Variants in CD1A observed in about 807,000 individuals in gnomAD.
CD1A encodes CD1a molecule.
A neutral mutation model predicts 38.3 loss-of-function variants in CD1A; 50 were observed. The ratio of observed to expected loss-of-function variants is 1.30; its 90% CI spans 1.04 to 1.65. CD1A has a LOEUF of 1.65. Among genes scored for constraint, CD1A ranks in the 40% most tolerant of loss-of-function variants. The pLI, the probability that CD1A is intolerant of heterozygous loss-of-function variation, is 0.00. For missense variants in CD1A, 459 were observed against 406.1 expected (o/e 1.13, Z -1.12); for synonymous variants, 160 against 150.8 (o/e 1.06, Z -0.45).
At chr1:158,256,339 C>G in intron 3 of CD1A, 57 bp downstream of exon 3, 1 of 1,505,802 alleles carries the variant, frequency 6.6e-7, no homozygotes, top group Non-Finnish European at 9.0e-7. Flanking sequence ...ACCCTTCCAC[C>G]ACCTCCTTCC....
chr1:158,255,218 G>A lies in CD1A; in HGVS notation c.193G>A (p.Val65Ile), dbSNP rs537550225. The A allele has an allele frequency of 1.2e-5, 20 of 1,614,104 alleles. No homozygotes were observed. Among genetic ancestry groups the A allele is most frequent in the South Asian group, 6.6e-5 (6 of 91,076 alleles). The part of the protein sequence containing the change: ...HTWDSNSSTI[V>I]FLCPWSRGNF... Reference sequence around the variant, plus strand: ...CTGGGACAGCAATTCCAGCACCATCGTTTTCCTGTGCCCCTGGTCCAGGGG... The same window carrying A: ...CTGGGACAGCAATTCCAGCACCATCATTTTCCTGTGCCCCTGGTCCAGGGG... The change falls in exon 2 of 6, where the codon GTT becomes ATT. Residue 65 changes from valine to isoleucine, a missense_variant. Transcript: ENST00000289429.
chr1:158,254,503 G>A lies in CD1A; in HGVS notation c.-167G>A. On this transcript the variant is annotated 5_prime_UTR_variant, in exon 1 of 6. Coordinates refer to ENST00000289429, the MANE Select transcript of CD1A (RefSeq NM_001763.3). Reference sequence around the variant, plus strand: ...CAGAGGGAAATGAGAGACTGAGTAGGCATCTCAGGGTTTTTGAAGGAGTGG... The same window carrying A: ...CAGAGGGAAATGAGAGACTGAGTAGACATCTCAGGGTTTTTGAAGGAGTGG... The A allele has an allele frequency of 1.4e-6, 2 of 1,456,512 alleles. No homozygotes were observed. Among genetic ancestry groups the A allele is most frequent in the African/African-American group, 1.4e-5 (1 of 70,804 alleles). 90.2% of individuals were successfully genotyped at this position (1,456,512 alleles called of 1,614,324 possible). A position where few individuals can be genotyped will look rare whatever the true frequency, so the allele number is the denominator to read the frequency against.
At chr1:158,250,781 C>T (rs1343102839), upstream of CD1A, among the ~76,000 whole-genome samples, 3 of 152,096 alleles carry the variant, frequency 2.0e-5, no homozygotes, top group South Asian at 2.1e-4. Flanking sequence ...TGAAGTCTGC[C>T]GTCCCTGCAG....
chr1:158,255,042 C>T (rs1650200015), intron 1 of CD1A, 42 bp from the exon 2 acceptor site: 1 of 1,600,152 alleles, frequency 6.2e-7, no homozygotes, highest in African/African-American at 1.3e-5. Flanking sequence ...CATCCTCTTT[C>T]TCAATGTCTT....
rs752354521 is a variant in CD1A, at chr1:158,256,006, C to A, written c.328C>A (p.Pro110Thr). Residue 110 changes from proline to threonine, a missense_variant and splice_region_variant, in exon 3 of 6, where the codon CCT becomes ACT. Transcript: ENST00000289429. The part of the protein sequence containing the change: ...RYAHELQFEY[P>T]FEIQVTGGCE... ...TTTCCTCTATTTCATAACCCCAGAT[C>A]CTTTTGAGATACAGGTGACAGGAGG... 6.2e-7 allele frequency: 1 copy of A among 1,612,190 alleles called. No homozygotes were observed. The highest frequency in any genetic ancestry group is 8.5e-7 in the Non-Finnish European group (1 of 1,178,526).
At chr1:158,254,867 C>A in intron 1 of CD1A, 140 bp downstream of exon 1, 1 of 871,736 alleles carries the variant, frequency 1.1e-6, no homozygotes, top group South Asian at 1.4e-5. Context: ...AGTGAGAGTG[C>A]CAGGCTGGTT....
intron 4 of CD1A, 133 bp downstream of exon 4, chr1:158,257,197 T>C (rs556208439): frequency 2.4e-6 from 3 of 1,253,684 alleles, no homozygotes; most frequent in African/African-American, 1.5e-5. Context: ...ATCTAAGAAA[T>C]GGAAATGTTG....
chr1:158,257,667 C>G lies in CD1A; in HGVS notation c.975-14C>G. 1 of 1,613,882 alleles carries G rather than the reference C, an allele frequency of 6.2e-7. No individual in the cohort carries two copies. The highest frequency in any genetic ancestry group is 1.1e-5 in the South Asian group (1 of 91,060). ...ACCTTATTCAGAGTGACTTCTATCTCTGTTCTCATCCAGTTTCTGTTAAGA... is the reference window on the plus strand; with the variant it reads ...ACCTTATTCAGAGTGACTTCTATCTGTGTTCTCATCCAGTTTCTGTTAAGA... On this transcript the variant is annotated splice_polypyrimidine_tract_variant and intron_variant, in intron 5 of 5. Coordinates refer to ENST00000289429, the MANE Select transcript of CD1A (RefSeq NM_001763.3).
At chr1:158,255,977 C>T (rs1404852104) in intron 2 of CD1A, 27 bp from the exon 3 acceptor site, 6 of 1,584,826 alleles carry the variant, frequency 3.8e-6, no homozygotes, top group Admixed American at 3.6e-5. Context: ...TTTTTTTCTC[C>T]CTCTTTCCTC....
At chr1:158,254,989 T>C (rs981632407) in intron 1 of CD1A, 95 bp from the exon 2 acceptor site, 2 of 1,260,946 alleles carry the variant, frequency 1.6e-6, no homozygotes, top group African/African-American at 3.0e-5. Flanking sequence ...GATCCCCTTT[T>C]CTCCAGATTC....
chr1:158,254,098 G>C (rs35564927), upstream of CD1A: 167 of 169,502 alleles, frequency 9.9e-4, 6 homozygotes, highest in South Asian at 0.035. Context: ...TCTTCTCTAA[G>C]AATAATGGAG....
In CD1A at chr1:158,254,499, G is replaced by A. The variant is rs532256241; in HGVS notation, c.-171G>A. On this transcript the variant is annotated 5_prime_UTR_variant, in exon 1 of 6. Transcript: ENST00000289429. ...GAACCAGAGGGAAATGAGAGACTGA[G>A]TAGGCATCTCAGGGTTTTTGAAGGA... 1.4e-3 allele frequency: 2,011 copies of A among 1,454,086 alleles called. 4 individuals are homozygous for A. Among genetic ancestry groups the A allele is most frequent in the Middle Eastern group, 3.5e-3 (17 of 4,790 alleles). 90.1% of individuals were successfully genotyped at this position (1,454,086 alleles called of 1,614,324 possible). A position where few individuals can be genotyped will look rare whatever the true frequency, so the allele number is the denominator to read the frequency against.
At chr1:158,256,336 C>T (rs1398575727) in intron 3 of CD1A, 54 bp downstream of exon 3, 4 of 1,521,868 alleles carry the variant, frequency 2.6e-6, no homozygotes, top group South Asian at 1.2e-5. Context: ...CATACCCTTC[C>T]ACCACCTCCT....
At chr1:158,249,424 G>C, upstream of CD1A, among the ~76,000 whole-genome samples, 1 of 152,116 alleles carries the variant, frequency 6.6e-6, no homozygotes, top group Non-Finnish European at 1.5e-5. Flanking sequence ...TGGTGGAAGG[G>C]GTCAGGGGTC....
the CD1A span, chr1:158,248,524 A>G: frequency 2.0e-6 from 1 of 506,736 alleles, no homozygotes; most frequent in African/African-American, 2.1e-5. Context: ...GGACTTGCCT[A>G]GGATAGCTGG....
At chr1:158,257,647 A>G in intron 5 of CD1A, 34 bp from the exon 6 acceptor site, 1 of 1,612,378 alleles carries the variant, frequency 6.2e-7, no homozygotes, top group Non-Finnish European at 8.5e-7. Context: ...GCTCCACCTT[A>G]TTCAGAGTGA....
chr1:158,257,412 A>G lies in CD1A; in HGVS notation c.884-9A>G, dbSNP rs2101634528. ...TTATAACATCCTTGGTGTCTCCCCAAATTCACAGAGCATCACAGTTCCGTG... is the reference window on the plus strand; with the variant it reads ...TTATAACATCCTTGGTGTCTCCCCAGATTCACAGAGCATCACAGTTCCGTG... On this transcript the variant is annotated splice_polypyrimidine_tract_variant and intron_variant, in intron 4 of 5. Coordinates refer to ENST00000289429, the MANE Select transcript of CD1A (RefSeq NM_001763.3). 6.2e-7 allele frequency: 1 copy of G among 1,608,698 alleles called. No individual in the cohort carries two copies. The highest frequency in any genetic ancestry group is 2.2e-5 in the East Asian group (1 of 44,872).
intron 3 of CD1A, 36 bp from the exon 4 acceptor site, chr1:158,256,750 A>G (rs1173349951): frequency 6.3e-7 from 1 of 1,597,522 alleles, no homozygotes; most frequent in Non-Finnish European, 8.6e-7. Context: ...ATGAAACTCC[A>G]AGTCTGTATT....
At position 158,256,252 on chromosome 1, in the gene CD1A, G is replaced by A. The variant is rs1301009168; in HGVS notation, c.574G>A (p.Asp192Asn). The A allele has an allele frequency of 2.5e-6, 4 of 1,613,890 alleles. No homozygotes were observed. The African/African-American group carries it at 4.0e-5, about 16-fold the overall frequency. ...CCCACGTTTCATCTTGGGTCTTCTTGATGCAGGAAAGGCACATCTCCAGCG... is the reference window on the plus strand; with the variant it reads ...CCCACGTTTCATCTTGGGTCTTCTTAATGCAGGAAAGGCACATCTCCAGCG... Reference protein sequence around the residue: ...TCPRFILGLLDAGKAHLQRQV... With the variant: ...TCPRFILGLLNAGKAHLQRQV... Residue 192 changes from aspartate to asparagine, a missense_variant, in exon 3 of 6, where the codon GAT becomes AAT. By Grantham distance (23) the Asp-to-Asn change is conservative (BLOSUM62 1). Coordinates refer to ENST00000289429, the MANE Select transcript of CD1A (RefSeq NM_001763.3).
Sources: allele counts gnomAD v4.1 joint callset (sites outside exome capture counted in the v4.1 genomes callset), GRCh38; gene constraint gnomAD v4.1.1; transcripts MANE v1.5; gene names NCBI Gene and HGNC (gene_info 2026-07-23, HGNC 2026-07-21).